MYO1D: variants seen among roughly 807,000 people sequenced by gnomAD.
The protein encoded by MYO1D is myosin ID, also known as unconventional myosin-Id.
A neutral mutation model predicts 122.0 loss-of-function variants in MYO1D; 83 were observed. That is an observed-to-expected ratio of 0.68 (90% CI 0.57 to 0.82). MYO1D has a LOEUF of 0.82. Among genes scored for constraint, MYO1D ranks in the 40% least tolerant of loss-of-function variants. The pLI, the probability that MYO1D is intolerant of heterozygous loss-of-function variation, is 0.00. For synonymous variants in MYO1D, 464 were observed against 446.9 expected, an observed-to-expected ratio of 1.04 and a Z score of -0.48; for missense variants, 1,157 against 1,269.5, an observed-to-expected ratio of 0.91 and a Z score of 1.35.
Position 32,581,890 on chromosome 17 carries a change from G to C in MYO1D, c.2864+23197C>G, listed in dbSNP as rs1476336048. On this transcript the variant is annotated intron_variant, in intron 21 of 21. Coordinates refer to ENST00000318217, the MANE Select transcript of MYO1D (RefSeq NM_015194.3). ...AGCAATTCTCTTGCCTCAGCCTCCT[G>C]AGTAGTTGGGACTACACGTGTGCAC... Among the ~76,000 whole-genome samples, 3 of 151,906 alleles carry C rather than the reference G, an allele frequency of 2.0e-5. No individual in the cohort carries two copies. In the East Asian group the frequency reaches 5.8e-4, roughly 29 times the overall value.
intron 15 of MYO1D, among the ~76,000 whole-genome samples, chr17:32,718,866 G>C (rs902888988): frequency 1.3e-5 from 2 of 152,002 alleles, no homozygotes; most frequent in African/African-American, 4.8e-5. Context: ...ATCCAGTCCC[G>C]AGACTTTCTA....
chr17:32,498,653 T>A (rs1254363260), intron 21 of MYO1D: 1 of 152,192 alleles, frequency 6.6e-6, no homozygotes, highest in Non-Finnish European at 1.5e-5. Context: ...TGAGGCACTT[T>A]GAAAGATGTG....
chr17:32,701,961 T>C (rs1171668457), intron 16 of MYO1D, among the ~76,000 whole-genome samples: 2 of 152,204 alleles, frequency 1.3e-5, no homozygotes, highest in Admixed American at 1.3e-4. Flanking sequence ...CAATCAAAAG[T>C]AGAAACCACT....
intron 1 of MYO1D, among the ~76,000 whole-genome samples, chr17:32,826,854 C>CAT (rs1230855210): frequency 2.0e-5 from 3 of 151,984 alleles, no homozygotes; most frequent in Non-Finnish European, 2.9e-5. Flanking sequence ...AAAACATATA[C>CAT]ATATATATAT....
chr17:32,843,601 T>C (rs2090905481), intron 1 of MYO1D, among the ~76,000 whole-genome samples: 1 of 152,102 alleles, frequency 6.6e-6, no homozygotes, highest in Admixed American at 6.5e-5. Flanking sequence ...TTAAGGAGAA[T>C]AGAAGAGATG....
intron 21 of MYO1D, among the ~76,000 whole-genome samples, chr17:32,560,528 C>CAT (rs56214129): frequency 0.011 from 698 of 64,958 alleles, 23 homozygotes; most frequent in Non-Finnish European, 0.017. Context: ...CCAGAGACAA[C>CAT]ATATATATAT....
intron 19 of MYO1D, among the ~76,000 whole-genome samples, 162 bp from the exon 20 acceptor site, chr17:32,638,997 T>C (rs546713360): frequency 9.9e-5 from 15 of 152,174 alleles, no homozygotes; most frequent in African/African-American, 3.6e-4. Flanking sequence ...CTTGTGGAAT[T>C]TGGCAATTGA....
chr17:32,843,214 G>C (rs1031547639), intron 1 of MYO1D, among the ~76,000 whole-genome samples: 6 of 152,130 alleles, frequency 3.9e-5, no homozygotes, highest in Non-Finnish European at 8.8e-5. Context: ...TTTAAGGACA[G>C]GAATTCCTCT....
chr17:32,514,563 G>A (rs1909820670), intron 21 of MYO1D, among the ~76,000 whole-genome samples: 1 of 152,172 alleles, frequency 6.6e-6, no homozygotes. Context: ...TCCTTGCTTT[G>A]CAAATAGCAG....
intron 1 of MYO1D, among the ~76,000 whole-genome samples, chr17:32,800,921 T>C (rs993382659): frequency 2.6e-5 from 4 of 152,118 alleles, no homozygotes; most frequent in African/African-American, 4.8e-5. Flanking sequence ...AAACGATAAA[T>C]ATTTCAGGTG....
chr17:32,858,102 T>C (rs781157475), intron 1 of MYO1D, among the ~76,000 whole-genome samples: 8 of 152,216 alleles, frequency 5.3e-5, no homozygotes, highest in Non-Finnish European at 1.2e-4. Flanking sequence ...CTAGAATGTA[T>C]GACTTTAGAG....
At chr17:32,636,309 C>T (rs187011724) in intron 20 of MYO1D, among the ~76,000 whole-genome samples, 323 of 152,272 alleles carry the variant, frequency 2.1e-3, no homozygotes, top group African/African-American at 7.5e-3. Context: ...CCAGCTTCTC[C>T]AACACTATTA....
At chr17:32,791,200 C>G (rs1459234362) in intron 1 of MYO1D, among the ~76,000 whole-genome samples, 2 of 151,590 alleles carry the variant, frequency 1.3e-5, no homozygotes, top group East Asian at 3.9e-4. Flanking sequence ...CCCATCTCTA[C>G]CAAAAATACA....
At chr17:32,856,159 C>T (rs1401988541) in intron 1 of MYO1D, among the ~76,000 whole-genome samples, 3 of 152,034 alleles carry the variant, frequency 2.0e-5, no homozygotes, top group Admixed American at 6.6e-5. Context: ...GACCACCCTG[C>T]CTGGGAACAC....
At chr17:32,651,695 T>TA (rs35405098) in intron 19 of MYO1D, among the ~76,000 whole-genome samples, 7 of 148,200 alleles carry the variant, frequency 4.7e-5, no homozygotes, top group African/African-American at 1.8e-4. Flanking sequence ...TTTTTTTTTT[T>TA]AGACGGAGTC....
intron 1 of MYO1D, among the ~76,000 whole-genome samples, chr17:32,851,675 G>T (rs1311165975): frequency 6.6e-6 from 1 of 152,218 alleles, no homozygotes; most frequent in Non-Finnish European, 1.5e-5. Context: ...CATGGACCCA[G>T]GGGGGTGGTT....
chr17:32,710,421 A>C (rs937885109), intron 16 of MYO1D, among the ~76,000 whole-genome samples: 2 of 152,178 alleles, frequency 1.3e-5, no homozygotes, highest in African/African-American at 4.8e-5. Flanking sequence ...TTCCTATATA[A>C]AACCATGTAT....
At chr17:32,804,628 T>C (rs1383076023) in intron 1 of MYO1D, among the ~76,000 whole-genome samples, 1 of 152,164 alleles carries the variant, frequency 6.6e-6, no homozygotes, top group East Asian at 1.9e-4. Flanking sequence ...ATTACCCTTT[T>C]AAGCAATTAA....
intron 21 of MYO1D, among the ~76,000 whole-genome samples, chr17:32,574,329 T>C (rs2087258912): frequency 6.6e-6 from 1 of 152,010 alleles, no homozygotes; most frequent in Non-Finnish European, 1.5e-5. Context: ...ACTATCCAGA[T>C]TGATGCACCC....
Sources: allele counts gnomAD v4.1 joint callset (sites outside exome capture counted in the v4.1 genomes callset), GRCh38; gene constraint gnomAD v4.1.1; transcripts MANE v1.5; gene names NCBI Gene and HGNC (gene_info 2026-07-23, HGNC 2026-07-21).